The following CNTN5 variants were observed in gnomAD, a reference collection of about 807,000 sequenced individuals.
CNTN5 encodes the protein contactin-5.
Under a neutral mutation model 129.1 loss-of-function variants are expected in CNTN5, and 77 were observed. The ratio of observed to expected loss-of-function variants is 0.60; its 90% CI spans 0.50 to 0.72. The LOEUF is 0.72. CNTN5 is among the 30% of genes least tolerant of loss of function. The pLI is 0.00. For synonymous variants in CNTN5, 509 were observed against 465.6 expected, an observed-to-expected ratio of 1.09 and a Z score of -1.20; for missense variants, 1,478 against 1,328.8, an observed-to-expected ratio of 1.11 and a Z score of -1.75.
intron 4 of CNTN5, among the ~76,000 whole-genome samples, chr11:99,839,123 A>G (rs1308247722): frequency 2.0e-5 from 3 of 152,000 alleles, no homozygotes; most frequent in African/African-American, 7.2e-5. Context: ...AAAACAAACA[A>G]GATTAAAAAG....
At chr11:99,403,937 A>G (rs1235388766) in intron 2 of CNTN5, among the ~76,000 whole-genome samples, 5 of 152,248 alleles carry the variant, frequency 3.3e-5, no homozygotes, top group East Asian at 1.9e-4. Flanking sequence ...GATTTGTCCA[A>G]TGCTAAAAGT....
intron 1 of CNTN5, among the ~76,000 whole-genome samples, chr11:99,214,075 A>T (rs1859982720): frequency 1.3e-5 from 2 of 152,290 alleles, no homozygotes; most frequent in South Asian, 4.1e-4. Flanking sequence ...AACAAGCTAC[A>T]CTTACTTAAC....
chr11:99,348,912 G>A lies in CNTN5; in HGVS notation c.-71+23428G>A, dbSNP rs185919253. Among the ~76,000 whole-genome samples, 276 of 152,210 alleles carry A rather than the reference G, an allele frequency of 1.8e-3. 7 individuals carry two copies. Among genetic ancestry groups the A allele is most frequent in the Admixed American group, 0.015 (228 of 15,292 alleles). On this transcript the variant is annotated intron_variant, in intron 2 of 24. Transcript: ENST00000524871. ...TACGTGCATTCCACAAATACATACT[G>A]AGCACTCTGTGCCAAAGGTTCACTA...
At chr11:100,276,342 C>G (rs1034249685) in intron 18 of CNTN5, among the ~76,000 whole-genome samples, 3 of 151,966 alleles carry the variant, frequency 2.0e-5, no homozygotes, top group African/African-American at 7.3e-5. Context: ...GAATTCAAGA[C>G]CAGCCTGGCC....
At chr11:99,731,344 C>A (rs1012512526) in intron 3 of CNTN5, among the ~76,000 whole-genome samples, 3 of 152,018 alleles carry the variant, frequency 2.0e-5, no homozygotes, top group Non-Finnish European at 2.9e-5. Context: ...ATCTCCTGAC[C>A]TCGTGATCCA....
intron 2 of CNTN5, among the ~76,000 whole-genome samples, chr11:99,361,602 A>T (rs1380937206): frequency 6.6e-6 from 1 of 152,076 alleles, no homozygotes; most frequent in Non-Finnish European, 1.5e-5. Flanking sequence ...CTTTTTCATC[A>T]TTCCAAACAG....
chr11:100,353,387 G>C (rs970516090), intron 24 of CNTN5, among the ~76,000 whole-genome samples: 4 of 151,576 alleles, frequency 2.6e-5, no homozygotes, highest in African/African-American at 9.7e-5. Context: ...CAAGAACTTA[G>C]TCTAATGTTG....
intron 16 of CNTN5, among the ~76,000 whole-genome samples, chr11:100,248,356 T>C (rs995551846): frequency 6.6e-6 from 1 of 151,810 alleles, no homozygotes. Flanking sequence ...ACCACACTGG[T>C]TAACATAGAG....
chr11:99,220,881 A>T (rs997303995), intron 1 of CNTN5, among the ~76,000 whole-genome samples: 9 of 149,030 alleles, frequency 6.0e-5, no homozygotes, highest in South Asian at 2.1e-4. Flanking sequence ...ACAATGATTT[A>T]AAAAAAAAAT....
chr11:99,280,842 G>T (rs1367221754), intron 1 of CNTN5, among the ~76,000 whole-genome samples: 1 of 151,506 alleles, frequency 6.6e-6, no homozygotes, highest in African/African-American at 2.4e-5. Flanking sequence ...ACATATGAAT[G>T]AATTATGTCA....
At chr11:99,389,382 G>T (rs993980304) in intron 2 of CNTN5, among the ~76,000 whole-genome samples, 16 of 152,060 alleles carry the variant, frequency 1.1e-4, no homozygotes, top group Admixed American at 7.2e-4. Context: ...GATATGCAAT[G>T]GAAATAACTA....
intron 6 of CNTN5, among the ~76,000 whole-genome samples, chr11:99,860,473 GT>G (rs1948170865): frequency 6.6e-6 from 1 of 152,068 alleles, no homozygotes; most frequent in Admixed American, 6.5e-5. Flanking sequence ...TTCTTGAGTT[GT>G]TGTTTGTATA....
intron 13 of CNTN5, among the ~76,000 whole-genome samples, chr11:100,151,173 A>C (rs1247369422): frequency 6.6e-6 from 1 of 151,116 alleles, no homozygotes; most frequent in Non-Finnish European, 1.5e-5. Flanking sequence ...TAATTAATTT[A>C]GTTGTTGTAA....
intron 3 of CNTN5, among the ~76,000 whole-genome samples, chr11:99,610,268 C>A (rs1305321564): frequency 6.6e-6 from 1 of 152,058 alleles, no homozygotes; most frequent in South Asian, 2.1e-4. Context: ...CTCTAGTCTG[C>A]CAATAGGAAA....
rs150612288 is a variant in CNTN5, at chr11:99,327,660, A to G, written c.-71+2176A>G. ...AAGTGAATTAGAATTGATGATTCTG[A>G]CAAGAGTGGATTCACAGTGTCATTT... On this transcript the variant is annotated intron_variant, in intron 2 of 24. Coordinates refer to ENST00000524871, the MANE Select transcript of CNTN5 (RefSeq NM_014361.4). Among the ~76,000 whole-genome samples the G allele has an allele frequency of 9.0e-4, 137 of 152,326 alleles. 1 individual carries two copies. The highest frequency in any genetic ancestry group is 3.2e-3 in the African/African-American group (131 of 41,584).
At chr11:100,033,083 G>T (rs1012349220) in intron 9 of CNTN5, among the ~76,000 whole-genome samples, 3 of 152,154 alleles carry the variant, frequency 2.0e-5, no homozygotes, top group Non-Finnish European at 2.9e-5. Context: ...CTGTAAGAAA[G>T]ACTCTTTTTC....
chr11:99,994,894 G>A (rs770560), intron 8 of CNTN5, among the ~76,000 whole-genome samples: 42,166 of 151,962 alleles, frequency 0.28, 6,540 homozygotes, highest in Non-Finnish European at 0.35. Flanking sequence ...GACACCATGG[G>A]GAAAAATGCT....
intron 1 of CNTN5, among the ~76,000 whole-genome samples, chr11:99,241,016 G>A (rs975389000): frequency 1.3e-5 from 2 of 152,146 alleles, no homozygotes; most frequent in African/African-American, 4.8e-5. Context: ...GGACATGTCA[G>A]TGTATAAATA....
At chr11:99,175,302 A>G (rs1857719669) in intron 1 of CNTN5, among the ~76,000 whole-genome samples, 1 of 152,202 alleles carries the variant, frequency 6.6e-6, no homozygotes, top group South Asian at 2.1e-4. Flanking sequence ...ATGGTCTTGT[A>G]CCAAACTGTC....
Sources: gnomAD v4.1 joint callset for allele counts (sites outside exome capture counted in the v4.1 genomes callset) on GRCh38, gnomAD v4.1.1 for gene constraint, MANE v1.5 for transcripts, NCBI Gene and HGNC (gene_info 2026-07-23, HGNC 2026-07-21) for gene names.